Variants in KYNU observed in about 807,000 individuals in gnomAD.
The protein encoded by KYNU is L-kynurenine hydrolase.
Under a neutral mutation model 59.2 loss-of-function variants are expected in KYNU, and 54 were observed. The observed-to-expected ratio is 0.91, with a 90% CI of 0.73 to 1.14. The LOEUF is 1.14. Ranked by LOEUF, KYNU falls within the 50% of genes most tolerant of loss-of-function variation. The pLI, the probability that KYNU is intolerant of heterozygous loss-of-function variation, is 0.00. For missense variants in KYNU, 567 were observed against 554.4 expected (o/e 1.02, Z -0.23); for synonymous variants, 177 against 192.0 (o/e 0.92, Z 0.65).
At chr2:142,953,035 C>G (rs1219238358) in intron 4 of KYNU, among the ~76,000 whole-genome samples, 1 of 152,052 alleles carries the variant, frequency 6.6e-6, no homozygotes, top group Non-Finnish European at 1.5e-5. Flanking sequence ...AGTAAAAATT[C>G]ACTCTATAAT....
At chr2:142,886,918 C>G (rs990331067) in intron 2 of KYNU, among the ~76,000 whole-genome samples, 5 of 152,170 alleles carry the variant, frequency 3.3e-5, no homozygotes, top group Admixed American at 2.6e-4. Flanking sequence ...CGCCTGTAAT[C>G]CCAGCACTTT....
chr2:143,001,228 C>T (rs982791162), intron 10 of KYNU, among the ~76,000 whole-genome samples: 4 of 152,064 alleles, frequency 2.6e-5, no homozygotes, highest in Admixed American at 2.6e-4. Flanking sequence ...GTCTGCCTAC[C>T]ACAATTCCAT....
At chr2:142,900,879 A>G (rs1017267306) in intron 2 of KYNU, among the ~76,000 whole-genome samples, 4 of 152,006 alleles carry the variant, frequency 2.6e-5, no homozygotes, top group African/African-American at 9.7e-5. Flanking sequence ...TTAGTCATGG[A>G]CTGCATCTGG....
At chr2:142,880,314 G>T (rs531127591) in intron 1 of KYNU, among the ~76,000 whole-genome samples, 2 of 152,326 alleles carry the variant, frequency 1.3e-5, no homozygotes, top group East Asian at 3.9e-4. Flanking sequence ...GAATAGCCAA[G>T]AAGATGGGTC....
intron 4 of KYNU, among the ~76,000 whole-genome samples, chr2:142,950,400 TACCAGAGAACTC>T (rs1683948457): frequency 6.6e-6 from 1 of 152,220 alleles, no homozygotes; most frequent in Non-Finnish European, 1.5e-5. Flanking sequence ...GAAAGAGGTT[TACCAGAGAACTC>T]ACAGTTCCAC....
At chr2:143,019,191 G>C (rs1686340545) in intron 10 of KYNU, among the ~76,000 whole-genome samples, 1 of 152,218 alleles carries the variant, frequency 6.6e-6, no homozygotes. Context: ...AGTGGTTAAA[G>C]TGGGCATCCT....
intron 3 of KYNU, among the ~76,000 whole-genome samples, chr2:142,926,603 AGAT>A (rs1326419115): frequency 2.0e-5 from 3 of 152,190 alleles, no homozygotes; most frequent in African/African-American, 7.2e-5. Context: ...CCAGTTGCGG[AGAT>A]GCAGTGAGTA....
chr2:142,917,863 G>A (rs1253044569), intron 2 of KYNU, among the ~76,000 whole-genome samples: 1 of 152,188 alleles, frequency 6.6e-6, no homozygotes, highest in East Asian at 1.9e-4. Context: ...AGTACTTAAT[G>A]ATTCCAGTGA....
chr2:142,980,062 C>T (rs949683108), intron 8 of KYNU, among the ~76,000 whole-genome samples: 5 of 152,088 alleles, frequency 3.3e-5, no homozygotes, highest in East Asian at 1.9e-4. Context: ...TTTTCTGGGA[C>T]GGGGTTGGGC....
rs1412718862 is a variant in KYNU, at chr2:143,052,231, G to T, written c.*10059G>T. ...AGCAAAGCATTCAAGAGGTGACTTG[G>T]TTGCTATTAAAGGCATTCAGTTTTA... is the stretch of plus-strand genomic sequence containing the variant. On this transcript the variant is annotated 3_prime_UTR_variant, in exon 14 of 14. Transcript: ENST00000264170. 6.6e-6 allele frequency: 1 copy of T among 152,486 alleles called. No homozygotes were observed. Among genetic ancestry groups the T allele is most frequent in the Non-Finnish European group, 1.5e-5 (1 of 68,282 alleles). The allele number at this position is 152,486 out of a possible 1,614,324, so 9.4% of individuals were successfully genotyped here.
At chr2:143,029,572 C>A in intron 10 of KYNU, 55 bp from the exon 11 acceptor site, 1 of 1,115,132 alleles carries the variant, frequency 9.0e-7, no homozygotes, top group East Asian at 2.4e-5. Flanking sequence ...GGCAGCAGAG[C>A]AAGACTCCAT....
rs187457011 is a variant in KYNU at position 142,955,847 on chromosome 2, C to T, written c.436-356C>T. Among the ~76,000 whole-genome samples the T allele has an allele frequency of 2.4e-4, 36 of 152,152 alleles. 1 individual carries two copies. In the East Asian group the frequency reaches 6.9e-3, roughly 29 times the overall value. On this transcript the variant is annotated intron_variant, in intron 5 of 13. Transcript: ENST00000264170. ...TTTCAGTGTCATGCCATCAAAATTA[C>T]CATGAAATGCTTTGGGAAGATAATT...
intron 4 of KYNU, among the ~76,000 whole-genome samples, chr2:142,951,274 C>T (rs1040443896): frequency 6.6e-6 from 1 of 152,114 alleles, no homozygotes; most frequent in Non-Finnish European, 1.5e-5. Context: ...AAACAAAAGG[C>T]CAGGTGTGGT....
At chr2:142,918,483 A>C in intron 2 of KYNU, 126 bp from the exon 3 acceptor site, 1 of 1,046,172 alleles carries the variant, frequency 9.6e-7, no homozygotes, top group Non-Finnish European at 1.3e-6. Context: ...CATCCTTGGG[A>C]GTAATTTTTA....
At chr2:142,915,772 G>A (rs953453799) in intron 2 of KYNU, among the ~76,000 whole-genome samples, 4 of 152,198 alleles carry the variant, frequency 2.6e-5, no homozygotes, top group Admixed American at 2.6e-4. Flanking sequence ...TCGTAAACAA[G>A]TTTGAAGTCA....
At chr2:142,950,707 G>A (rs1227855805) in intron 4 of KYNU, among the ~76,000 whole-genome samples, 1 of 152,168 alleles carries the variant, frequency 6.6e-6, no homozygotes, top group Non-Finnish European at 1.5e-5. Context: ...TTATTGTTGT[G>A]TTCACTGAAG....
intron 3 of KYNU, among the ~76,000 whole-genome samples, chr2:142,922,964 C>G (rs889196774): frequency 6.6e-6 from 1 of 152,164 alleles, no homozygotes; most frequent in African/African-American, 2.4e-5. Context: ...AAGGTCTGCT[C>G]TCTGCTTCCA....
chr2:143,025,583 G>T (rs1176944487), intron 10 of KYNU, among the ~76,000 whole-genome samples: 3 of 151,918 alleles, frequency 2.0e-5, no homozygotes, highest in Non-Finnish European at 2.9e-5. Flanking sequence ...TATCAAGGGT[G>T]TAGCTTTTGG....
chr2:143,040,647 A>G lies in KYNU; in HGVS notation c.1261A>G (p.Arg421Gly), dbSNP rs1404642186. 1 of 1,603,064 alleles carries G rather than the reference A, an allele frequency of 6.2e-7. No homozygotes were observed. The highest frequency in any genetic ancestry group is 8.5e-7 in the Non-Finnish European group (1 of 1,173,084). ...AGATGTTTTCCAAGAACTAGAAAAA[A>G]GAGGAGTGGTTGTAAGTATGTCTTG... ...NKDVFQELEK[R>G]GVVCDKRNPN... is the part of the protein sequence containing the mutation. Residue 421 changes from arginine (R) to glycine (G), a missense_variant, in exon 13 of 14, where the codon AGA (arginine) becomes GGA (glycine). By Grantham distance (125) the Arg-to-Gly change is moderately radical (BLOSUM62 -2). Coordinates refer to ENST00000264170, the MANE Select transcript of KYNU (RefSeq NM_003937.3).
Sources: gnomAD v4.1 joint callset for allele counts (sites outside exome capture counted in the v4.1 genomes callset) on GRCh38, gnomAD v4.1.1 for gene constraint, MANE v1.5 for transcripts, NCBI Gene and HGNC (gene_info 2026-07-23, HGNC 2026-07-21) for gene names.